LHX9: variants seen among roughly 807,000 people sequenced by gnomAD.
The protein encoded by LHX9 is LIM homeobox 9.
Under a neutral mutation model 36.5 loss-of-function variants are expected in LHX9, and 9 were observed. That is an observed-to-expected ratio of 0.25 (90% CI 0.15 to 0.43). The LOEUF (loss-of-function observed/expected upper bound fraction) is 0.43. Among genes scored for constraint, LHX9 ranks in the 20% least tolerant of loss-of-function variants. The pLI is 1.00. For missense variants in LHX9, 464 were observed against 526.4 expected, an observed-to-expected ratio of 0.88 and a Z score of 1.16; for synonymous variants, 211 against 212.1, an observed-to-expected ratio of 0.99 and a Z score of 0.04.
intron 3 of LHX9, among the ~76,000 whole-genome samples, chr1:197,924,094 C>T (rs1050591557): frequency 6.6e-6 from 1 of 152,190 alleles, no homozygotes; most frequent in Non-Finnish European, 1.5e-5. Flanking sequence ...TCATTTAAAA[C>T]AGTGCTTGCG....
In LHX9 at chr1:197,931,590, C is replaced by A; in HGVS notation, c.*2331C>A. 4.6e-6 allele frequency: 1 copy of A among 218,404 alleles called. No homozygotes were observed. The allele number at this position is 218,404 out of a possible 1,614,324, so 13.5% of individuals were successfully genotyped here. ...ACATTGTTAGAAATATTTAAACATA[C>A]AAATAGTTTTTAGACTTCCAAACTT... On this transcript the variant is annotated 3_prime_UTR_variant, in exon 5 of 5. Transcript: ENST00000367387.
chr1:197,921,658 A>G lies in LHX9; in HGVS notation c.732A>G (p.Ser244=). ...GAGTGGACATCGTCAATTACAACTC[A>G]GGTGTGCCTCCTATCCTCACCCCCG... The part of the protein sequence containing the change: ...ALGVDIVNYN[S]GCNENEADHL... Residue 244 remains serine (S), a splice_region_variant and synonymous_variant, in exon 3 of 5, where the codon TCA becomes TCG. Transcript: ENST00000367387. The surrounding 1 kb of genome is among the most constrained non-coding windows in gnomAD (Gnocchi z 4.6). The G allele has an allele frequency of 6.3e-7, 1 of 1,578,606 alleles. No homozygotes were observed. The highest frequency in any genetic ancestry group is 8.6e-7 in the Non-Finnish European group (1 of 1,166,090).
intron 4 of LHX9, 62 bp from the exon 5 acceptor site, chr1:197,928,940 G>T: frequency 7.1e-7 from 1 of 1,413,954 alleles, no homozygotes; most frequent in Non-Finnish European, 9.3e-7. Context: ...AAAAGTGAGA[G>T]AGAAAGAAAA....
chr1:197,920,147 G>A lies in LHX9; in HGVS notation c.350G>A (p.Ser117Asn), dbSNP rs1659931753. The A allele has an allele frequency of 1.2e-6, 2 of 1,614,220 alleles. No homozygotes were observed. Among genetic ancestry groups the A allele is most frequent in the Admixed American group, 3.3e-5 (2 of 60,034 alleles). ...SELTCFAKDG[S>N]IYCKEDYYRR... ...CTCACCTGCTTTGCCAAGGACGGTAGCATTTACTGCAAGGAGGATTACTAC... is the reference window on the plus strand; with the variant it reads ...CTCACCTGCTTTGCCAAGGACGGTAACATTTACTGCAAGGAGGATTACTAC... The change falls in exon 2 of 5, where the codon AGC becomes AAC. Residue 117 changes from serine (S) to asparagine (N), a missense_variant. By Grantham distance (46) the Ser-to-Asn change is conservative. Coordinates refer to ENST00000367387, the MANE Select transcript of LHX9 (RefSeq NM_020204.3).
upstream of LHX9, chr1:197,916,732 G>T (rs1030271475): frequency 1.3e-5 from 9 of 702,774 alleles, no homozygotes; most frequent in Non-Finnish European, 2.1e-5. Flanking sequence ...CATCTAGTAG[G>T]GTCTCCGGCC....
chr1:197,916,552 C>T (rs1659762224), upstream of LHX9: 3 of 638,782 alleles, frequency 4.7e-6, no homozygotes, highest in East Asian at 2.8e-5. Flanking sequence ...AAACCTGAAC[C>T]GGGGAAGAGA....
Position 197,929,056 on chromosome 1 carries a change from A to G in LHX9, c.991A>G (p.Asn331Asp), listed in dbSNP as rs748953733. The change falls in exon 5 of 5, where the codon AAT (asparagine) becomes GAT (aspartate). Residue 331 changes from asparagine (N) to aspartate (D), a missense_variant. By Grantham distance (23) the Asn-to-Asp change is conservative (BLOSUM62 1). This residue lies in a region of LHX9 where 102 missense variants were observed against 97.0 expected (regional missense o/e 1.05). Transcript: ENST00000367387. ...CAGAAGGAACCTTTTGCGGCAGGAG[A>G]ATGGGGGTGTTGATAAAGCTGACGG... ...KFRRNLLRQENGGVDKADGTS... is the reference protein window; with the variant it reads ...KFRRNLLRQEDGGVDKADGTS... 6.2e-7 allele frequency: 1 copy of G among 1,613,582 alleles called. No individual in the cohort carries two copies. Among genetic ancestry groups the G allele is most frequent in the Non-Finnish European group, 8.5e-7 (1 of 1,179,842 alleles).
rs576638835 is a variant in LHX9, at chr1:197,929,868, G to T, written c.*609G>T. ...TTTAAATAGTAATGATTAATTAGGT[G>T]AGAAATCTATTACAGGAATGTGACT... is the stretch of plus-strand genomic sequence containing the variant. On this transcript the variant is annotated 3_prime_UTR_variant, in exon 5 of 5. Coordinates refer to ENST00000367387, the MANE Select transcript of LHX9 (RefSeq NM_020204.3). 9.4e-6 allele frequency: 9 copies of T among 959,312 alleles called. No individual in the cohort carries two copies. The highest frequency in any genetic ancestry group is 1.1e-5 in the Non-Finnish European group (9 of 806,112). 59.4% of individuals were successfully genotyped at this position (959,312 alleles called of 1,614,324 possible). A position where few individuals can be genotyped will look rare whatever the true frequency, so the allele number is the denominator to read the frequency against.
In LHX9 at chr1:197,929,589, A is replaced by T. The variant is rs1660268392; in HGVS notation, c.*330A>T. ...GTTACTTATTTCCAGAATCTCGAAG[A>T]AAAAAGAAAAAAGAGTGGTATTATT... is the stretch of plus-strand genomic sequence containing the variant. On this transcript the variant is annotated 3_prime_UTR_variant, in exon 5 of 5. Transcript: ENST00000367387. 1 of 929,172 alleles carries T rather than the reference A, an allele frequency of 1.1e-6. No homozygotes were observed. Among genetic ancestry groups the T allele is most frequent in the African/African-American group, 1.8e-5 (1 of 56,012 alleles). The allele number at this position is 929,172 out of a possible 1,614,324, so 57.6% of individuals were successfully genotyped here. A position where few individuals can be genotyped will look rare whatever the true frequency, so the allele number is the denominator to read the frequency against.
chr1:197,913,782 A>G (rs1659678536), upstream of LHX9, among the ~76,000 whole-genome samples: 1 of 152,216 alleles, frequency 6.6e-6, no homozygotes. Flanking sequence ...TCTGGAGGAA[A>G]GGTAACGCCT....
At position 197,931,581 on chromosome 1, in the gene LHX9, T is replaced by C. The variant is rs557497658; in HGVS notation, c.*2322T>C. The C allele has an allele frequency of 4.9e-6, 1 of 204,176 alleles. No individual in the cohort carries two copies. The highest frequency in any genetic ancestry group is 2.3e-5 in the African/African-American group (1 of 43,700). 12.6% of individuals were successfully genotyped at this position (204,176 alleles called of 1,614,324 possible). A position where few individuals can be genotyped will look rare whatever the true frequency, so the allele number is the denominator to read the frequency against. ...GGTAATACAACATTGTTAGAAATATTTAAACATACAAATAGTTTTTAGACT... is the reference window on the plus strand; with the variant it reads ...GGTAATACAACATTGTTAGAAATATCTAAACATACAAATAGTTTTTAGACT... On this transcript the variant is annotated 3_prime_UTR_variant, in exon 5 of 5. Transcript: ENST00000367387.
rs551044921 is a variant in LHX9 at position 197,917,671 on chromosome 1, C to A, written c.-153C>A. ...TTCTTTTTGCTTCCCCTCGGCCCCC[C>A]AAGCAGACCGATTTCCACTCCATCT... On this transcript the variant is annotated 5_prime_UTR_variant, in exon 1 of 5. Coordinates refer to ENST00000367387, the MANE Select transcript of LHX9 (RefSeq NM_020204.3). The A allele has an allele frequency of 1.3e-6, 2 of 1,555,594 alleles. No individual in the cohort carries two copies. The highest frequency in any genetic ancestry group is 4.6e-5 in the East Asian group (2 of 43,106).
chr1:197,928,951 GAA>G (rs749643308), intron 4 of LHX9, 49 bp from the exon 5 acceptor site: 1 of 1,414,804 alleles, frequency 7.1e-7, no homozygotes, highest in East Asian at 2.6e-5. Flanking sequence ...AGAAAGAAAA[GAA>G]ATATAAAAAT....
rs1252349360 is a variant in LHX9 at position 197,932,240 on chromosome 1, A to G, written c.*2981A>G. ...AGAGCAACCTGGCAGTAATATGCCC[A>G]CCCCATATTTGAAAAAAATTATTAT... is the stretch of plus-strand genomic sequence containing the variant. On this transcript the variant is annotated 3_prime_UTR_variant, in exon 5 of 5. Transcript: ENST00000367387. The G allele has an allele frequency of 2.9e-6, 1 of 339,570 alleles. No individual in the cohort carries two copies. Among genetic ancestry groups the G allele is most frequent in the Non-Finnish European group, 5.3e-6 (1 of 187,876 alleles). 21.0% of individuals were successfully genotyped at this position (339,570 alleles called of 1,614,324 possible).
rs1660403901 is a variant in LHX9, at chr1:197,934,477, CTA to C, written c.*5220_*5221del. On this transcript the variant is annotated 3_prime_UTR_variant, in exon 5 of 5. Transcript: ENST00000367387. The stretch of plus-strand genomic sequence containing the variant: ...TGAAGTTTTGCTATTTAAATTTTAA[CTA>C]TGTTATAAACAAAGCTAGCTTTACT... The C allele has an allele frequency of 6.6e-6, 1 of 152,130 alleles. No homozygotes were observed. Among genetic ancestry groups the C allele is most frequent in the South Asian group, 2.1e-4 (1 of 4,832 alleles). 9.4% of individuals were successfully genotyped at this position (152,130 alleles called of 1,614,324 possible).
intron 3 of LHX9, among the ~76,000 whole-genome samples, chr1:197,922,987 G>A (rs1334987001): frequency 6.6e-6 from 1 of 152,226 alleles, no homozygotes; most frequent in African/African-American, 2.4e-5. Context: ...CCTGCTCTGA[G>A]TTTAGAGTTT....
rs1365182250 is a variant in LHX9, at chr1:197,935,303, T to C, written c.*6044T>C. 6.6e-6 allele frequency: 1 copy of C among 152,244 alleles called. No individual in the cohort carries two copies. The highest frequency in any genetic ancestry group is 1.5e-5 in the Non-Finnish European group (1 of 68,038). The allele number at this position is 152,244 out of a possible 1,614,324, so 9.4% of individuals were successfully genotyped here. On this transcript the variant is annotated 3_prime_UTR_variant, in exon 5 of 5. Coordinates refer to ENST00000367387, the MANE Select transcript of LHX9 (RefSeq NM_020204.3). Reference sequence around the variant, plus strand: ...TAAAGATCCAGATATTAGCCATATGTAGAAAGTTCCTGGTGTGCATTTCTG... The same window carrying C: ...TAAAGATCCAGATATTAGCCATATGCAGAAAGTTCCTGGTGTGCATTTCTG...
intron 1 of LHX9, 22 bp from the exon 2 acceptor site, chr1:197,919,950 T>G: frequency 6.2e-7 from 1 of 1,612,688 alleles, no homozygotes; most frequent in Non-Finnish European, 8.5e-7. Flanking sequence ...CTCCTCAGCC[T>G]TGCGGTGTGC....
At chr1:197,928,549 G>C (rs1660217796) in intron 4 of LHX9, among the ~76,000 whole-genome samples, 1 of 152,156 alleles carries the variant, frequency 6.6e-6, no homozygotes, top group African/African-American at 2.4e-5. Flanking sequence ...TTGGGCTCAC[G>C]AATGGCTTGA....
Sources: gnomAD v4.1 joint callset for allele counts (sites outside exome capture counted in the v4.1 genomes callset) on GRCh38, gnomAD v4.1.1 for gene constraint, gnomAD v4.1.1 regional missense constraint, Gnocchi (gnomAD v3.1) non-coding constraint, MANE v1.5 for transcripts, NCBI Gene and HGNC (gene_info 2026-07-23, HGNC 2026-07-21) for gene names.